Variants in RABGAP1L observed in about 807,000 individuals in gnomAD.
RABGAP1L encodes the protein RAB GTPase activating protein 1 like.
Under a neutral mutation model 137.7 loss-of-function variants are expected in RABGAP1L, and 63 were observed. The ratio of observed to expected loss-of-function variants is 0.46; its 90% CI spans 0.37 to 0.56. RABGAP1L has a LOEUF of 0.56. Ranked by LOEUF, RABGAP1L falls within the 20% of genes least tolerant of loss-of-function variation. RABGAP1L has a pLI of 0.00. For missense variants in RABGAP1L, 1,095 were observed against 1,244.0 expected (o/e 0.88, Z 1.80); for synonymous variants, 431 against 433.7 (o/e 0.99, Z 0.08).
chr1:174,364,032 CAG>C (rs1226836564), intron 11 of RABGAP1L, among the ~76,000 whole-genome samples: 2 of 151,676 alleles, frequency 1.3e-5, no homozygotes, highest in East Asian at 3.9e-4. Context: ...CTTTTGGTAT[CAG>C]GGTAATACTG....
chr1:174,166,986 T>C (rs1664966238), intron 1 of RABGAP1L, among the ~76,000 whole-genome samples: 1 of 152,234 alleles, frequency 6.6e-6, no homozygotes, highest in Non-Finnish European at 1.5e-5. Context: ...AAAATAAATA[T>C]GAATTGTGTC....
intron 13 of RABGAP1L, among the ~76,000 whole-genome samples, chr1:174,544,274 C>T (rs1421158941): frequency 6.6e-6 from 1 of 152,112 alleles, no homozygotes; most frequent in Non-Finnish European, 1.5e-5. Context: ...TCCCATATTT[C>T]TTGGAGGCTT....
At chr1:174,438,969 A>G (rs1462976057) in intron 13 of RABGAP1L, among the ~76,000 whole-genome samples, 1 of 151,568 alleles carries the variant, frequency 6.6e-6, no homozygotes, top group Non-Finnish European at 1.5e-5. Context: ...GACAAAATTT[A>G]TTCATTAATT....
intron 11 of RABGAP1L, among the ~76,000 whole-genome samples, chr1:174,307,707 A>G (rs1178844142): frequency 6.6e-6 from 1 of 152,120 alleles, no homozygotes. Flanking sequence ...CATTTTGTTT[A>G]TCCATTCATC....
intron 14 of RABGAP1L, among the ~76,000 whole-genome samples, chr1:174,673,349 G>A (rs1402882871): frequency 6.6e-6 from 1 of 152,072 alleles, no homozygotes; most frequent in Non-Finnish European, 1.5e-5. Context: ...AGCAGAAAAA[G>A]TTAAAGGAGA....
chr1:174,297,314 G>T (rs1471883269), intron 10 of RABGAP1L, among the ~76,000 whole-genome samples: 1 of 152,158 alleles, frequency 6.6e-6, no homozygotes, highest in Non-Finnish European at 1.5e-5. Context: ...TGGTTTGAAG[G>T]GTGAGTAAAG....
intron 13 of RABGAP1L, among the ~76,000 whole-genome samples, chr1:174,621,060 A>G (rs1035158400): frequency 4.6e-5 from 7 of 152,114 alleles, no homozygotes; most frequent in South Asian, 2.1e-4. Flanking sequence ...TCCTCGACAC[A>G]TACACCCTCC....
chr1:174,380,048 T>G (rs1685979251), intron 12 of RABGAP1L, among the ~76,000 whole-genome samples: 1 of 138,916 alleles, frequency 7.2e-6, no homozygotes, highest in Non-Finnish European at 1.6e-5. Flanking sequence ...GAGATAATCA[T>G]GTGGTTTTTG....
intron 5 of RABGAP1L, among the ~76,000 whole-genome samples, chr1:174,241,940 A>G (rs1005572344): frequency 1.8e-4 from 28 of 152,238 alleles, no homozygotes; most frequent in African/African-American, 6.3e-4. Flanking sequence ...CTCAGAAGGG[A>G]GACTATTTTT....
At chr1:174,707,680 T>A (rs1381430710) in intron 17 of RABGAP1L, among the ~76,000 whole-genome samples, 1 of 152,198 alleles carries the variant, frequency 6.6e-6, no homozygotes, top group Non-Finnish European at 1.5e-5. Flanking sequence ...CTATACAGTA[T>A]TCAATTAATA....
chr1:174,462,674 C>A (rs1456761662), intron 13 of RABGAP1L, among the ~76,000 whole-genome samples: 1 of 152,084 alleles, frequency 6.6e-6, no homozygotes, highest in Non-Finnish European at 1.5e-5. Context: ...TTTTTCAACC[C>A]TCATCCCCTT....
chr1:174,473,995 C>T (rs779101812), intron 13 of RABGAP1L, among the ~76,000 whole-genome samples: 5 of 152,236 alleles, frequency 3.3e-5, no homozygotes, highest in South Asian at 2.1e-4. Context: ...GTTCCTGTAA[C>T]GTTTTATATA....
At chr1:174,506,665 C>T (rs1325641788) in intron 13 of RABGAP1L, among the ~76,000 whole-genome samples, 1 of 152,010 alleles carries the variant, frequency 6.6e-6, no homozygotes, top group Non-Finnish European at 1.5e-5. Context: ...TTGATTTATC[C>T]ACCTTACAGT....
intron 13 of RABGAP1L, among the ~76,000 whole-genome samples, chr1:174,496,337 G>C (rs1314281161): frequency 2.0e-5 from 3 of 152,150 alleles, no homozygotes; most frequent in Admixed American, 6.5e-5. Flanking sequence ...GTAGGAAACA[G>C]GGAGGTATTG....
In RABGAP1L at chr1:174,598,481, C is replaced by A. The variant is rs576523747; in HGVS notation, c.1711-38894C>A. Among the ~76,000 whole-genome samples, 7 of 152,234 alleles carry A rather than the reference C, an allele frequency of 4.6e-5. No individual in the cohort carries two copies. The South Asian group carries it at 1.5e-3, about 32-fold the overall frequency. On this transcript the variant is annotated intron_variant, in intron 13 of 25. Coordinates refer to ENST00000681986, the MANE Select transcript of RABGAP1L (RefSeq NM_001366446.1). ...TTGTTGATTTTTCAGTCTGGATGAT[C>A]TGTCCAGTGCTGAAAGTGGTATGTT...
intron 1 of RABGAP1L, among the ~76,000 whole-genome samples, chr1:174,170,071 A>G (rs1475218676): frequency 7.9e-5 from 12 of 152,232 alleles, no homozygotes; most frequent in Non-Finnish European, 1.5e-5. Flanking sequence ...GTGGAAAAAA[A>G]TACTTAAAAT....
At chr1:174,927,679 G>A (rs1663073760) in intron 19 of RABGAP1L, among the ~76,000 whole-genome samples, 1 of 152,176 alleles carries the variant, frequency 6.6e-6, no homozygotes, top group Non-Finnish European at 1.5e-5. Flanking sequence ...GGCATCCCGA[G>A]TAGCTAGGAC....
chr1:174,762,807 C>CTTTTTTTTT (rs71563260), intron 18 of RABGAP1L, among the ~76,000 whole-genome samples: 4 of 81,808 alleles, frequency 4.9e-5, no homozygotes, highest in Admixed American at 1.5e-4. Context: ...GTCTCCTTTG[C>CTTTTTTTTT]TTTTTTTTTT....
chr1:174,853,710 G>A (rs199923653), intron 19 of RABGAP1L, among the ~76,000 whole-genome samples: 2 of 151,982 alleles, frequency 1.3e-5, no homozygotes, highest in Non-Finnish European at 2.9e-5. Flanking sequence ...CAGCCTGGGC[G>A]ACAGAGCGAG....
Sources: allele counts gnomAD v4.1 joint callset (sites outside exome capture counted in the v4.1 genomes callset), GRCh38; gene constraint gnomAD v4.1.1; transcripts MANE v1.5; gene names NCBI Gene and HGNC (gene_info 2026-07-23, HGNC 2026-07-21).